DPH6: variants seen among roughly 807,000 people sequenced by gnomAD.
DPH6 encodes the protein diphthamine biosynthesis 6.
A neutral mutation model predicts 38.2 loss-of-function variants in DPH6; 33 were observed. That is an observed-to-expected ratio of 0.86 (90% CI 0.65 to 1.15). The LOEUF (loss-of-function observed/expected upper bound fraction) is 1.15, where lower values mean the gene tolerates loss of function less well. Ranked by LOEUF, DPH6 falls within the 50% of genes most tolerant of loss-of-function variation. The probability of loss-of-function intolerance (pLI) is 0.00; values close to 1 mark genes in which losing one functional copy is unlikely to be tolerated. For synonymous variants in DPH6, 108 were observed against 103.0 expected, an observed-to-expected ratio of 1.05 and a Z score of -0.30; for missense variants, 325 against 320.0, an observed-to-expected ratio of 1.02 and a Z score of -0.12.
At chr15:35,414,315 T>C (rs377338413) in intron 5 of DPH6, among the ~76,000 whole-genome samples, 17 of 151,742 alleles carry the variant, frequency 1.1e-4, no homozygotes, top group African/African-American at 3.9e-4. Flanking sequence ...GCATTTGTTG[T>C]TCCTAATGAA....
chr15:35,175,928 A>G, the DPH6 span, among the ~76,000 whole-genome samples: 1 of 152,238 alleles, frequency 6.6e-6, no homozygotes, highest in Non-Finnish European at 1.5e-5. Context: ...TAAGTCTGAG[A>G]GAAACTCTCT....
chr15:35,481,206 T>A (rs1381932631), intron 3 of DPH6, among the ~76,000 whole-genome samples: 1 of 152,142 alleles, frequency 6.6e-6, no homozygotes, highest in African/African-American at 2.4e-5. Flanking sequence ...CAGTATGTGG[T>A]ATACCGCATT....
the DPH6 span, among the ~76,000 whole-genome samples, chr15:35,155,941 T>C: frequency 6.6e-6 from 1 of 152,182 alleles, no homozygotes; most frequent in East Asian, 1.9e-4. Context: ...GTGTCATCTT[T>C]TTTAGTGATA....
chr15:35,488,982 GAA>G (rs112457181), intron 3 of DPH6, among the ~76,000 whole-genome samples: 2 of 146,386 alleles, frequency 1.4e-5, no homozygotes, highest in African/African-American at 5.0e-5. Context: ...TTTTTGCCAG[GAA>G]AAAAAAAAAT....
chr15:35,381,701 T>C (rs1381629649), intron 7 of DPH6, 121 bp downstream of exon 7: 1 of 741,308 alleles, frequency 1.3e-6, no homozygotes, highest in Admixed American at 2.5e-5. Flanking sequence ...AAATTGAGTG[T>C]TTGTGAACTT....
chr15:35,419,694 G>T (rs1186308607), intron 5 of DPH6, among the ~76,000 whole-genome samples: 2 of 152,026 alleles, frequency 1.3e-5, no homozygotes, highest in Non-Finnish European at 2.9e-5. Context: ...ACTGTAAAAA[G>T]GACAATAAAG....
chr15:35,158,913 A>G, the DPH6 span, among the ~76,000 whole-genome samples: 1 of 152,124 alleles, frequency 6.6e-6, no homozygotes, highest in Non-Finnish European at 1.5e-5. Flanking sequence ...TGCACCAGGT[A>G]GCAAAGTTGG....
At chr15:35,314,652 C>G (rs2052172797) in intron 3 of DPH6, among the ~76,000 whole-genome samples, 1 of 152,090 alleles carries the variant, frequency 6.6e-6, no homozygotes, top group African/African-American at 2.4e-5. Context: ...AACAACTACA[C>G]GAGAAGTTGC....
chr15:35,178,515 T>C, the DPH6 span, among the ~76,000 whole-genome samples: 2 of 152,138 alleles, frequency 1.3e-5, no homozygotes, highest in Non-Finnish European at 2.9e-5. Flanking sequence ...CATGATTCAA[T>C]TACCTCCCAC....
chr15:35,318,653 A>G (rs1187099711), intron 3 of DPH6, among the ~76,000 whole-genome samples: 1 of 152,186 alleles, frequency 6.6e-6, no homozygotes, highest in Admixed American at 6.5e-5. Flanking sequence ...TCAAGAACTA[A>G]AAACAACAAA....
chr15:35,270,511 A>G (rs2051815941), intron 3 of DPH6, among the ~76,000 whole-genome samples: 1 of 152,202 alleles, frequency 6.6e-6, no homozygotes, highest in African/African-American at 2.4e-5. Context: ...TGCCTCAAGT[A>G]GTAATCTGAT....
At chr15:35,452,100 A>T (rs1262497753) in intron 4 of DPH6, among the ~76,000 whole-genome samples, 1 of 152,076 alleles carries the variant, frequency 6.6e-6, no homozygotes, top group Non-Finnish European at 1.5e-5. Context: ...CACTCCATGG[A>T]TCTCACCCTG....
intron 3 of DPH6, among the ~76,000 whole-genome samples, chr15:35,502,364 TAAAAC>T (rs975686832): frequency 6.6e-6 from 1 of 152,006 alleles, no homozygotes; most frequent in Non-Finnish European, 1.5e-5. Context: ...CAAAGTGAGA[TAAAAC>T]AAAACAAAAT....
At chr15:35,436,497 A>AC (rs1373459844) in intron 5 of DPH6, among the ~76,000 whole-genome samples, 2,864 of 58,316 alleles carry the variant, frequency 0.049, 96 homozygotes, top group East Asian at 0.16. Flanking sequence ...AACAAAACAA[A>AC]ACAAAACAAA....
chr15:35,444,295 A>G (rs1326201738), intron 5 of DPH6, among the ~76,000 whole-genome samples: 2 of 152,216 alleles, frequency 1.3e-5, no homozygotes, highest in African/African-American at 2.4e-5. Flanking sequence ...AGCTCCCTTC[A>G]GGATAACATA....
chr15:35,405,132 T>C (rs1229170893), intron 6 of DPH6, among the ~76,000 whole-genome samples: 1 of 152,152 alleles, frequency 6.6e-6, no homozygotes, highest in African/African-American at 2.4e-5. Context: ...TATAGCTCTG[T>C]AGCAGAGTTT....
At chr15:35,203,685 T>C in the DPH6 span, among the ~76,000 whole-genome samples, 1 of 151,782 alleles carries the variant, frequency 6.6e-6, no homozygotes, top group East Asian at 1.9e-4. Flanking sequence ...TGGAGTATTT[T>C]AGCTATTAAA....
chr15:35,151,059 A>C, the DPH6 span, among the ~76,000 whole-genome samples: 1 of 152,202 alleles, frequency 6.6e-6, no homozygotes, highest in Admixed American at 6.5e-5. Context: ...CAAACATCTA[A>C]AGGTAATGAG....
intron 5 of DPH6, among the ~76,000 whole-genome samples, chr15:35,426,875 A>C (rs919886616): frequency 1.3e-5 from 2 of 151,572 alleles, no homozygotes; most frequent in African/African-American, 4.8e-5. Context: ...TTAAAAAAAA[A>C]AAAACAACCT....
Sources: gnomAD v4.1 joint callset for allele counts (sites outside exome capture counted in the v4.1 genomes callset) on GRCh38, gnomAD v4.1.1 for gene constraint, MANE v1.5 for transcripts, NCBI Gene and HGNC (gene_info 2026-07-23, HGNC 2026-07-21) for gene names.